The following CLDN10 variants were observed in gnomAD, a reference collection of about 807,000 sequenced individuals.
The protein encoded by CLDN10 is claudin-10.
In CLDN10, 15 loss-of-function variants were observed where a neutral mutation model predicts 22.9. The observed-to-expected ratio is 0.65, with a 90% CI of 0.44 to 1.01. CLDN10 has a LOEUF of 1.01. Ranked by LOEUF, CLDN10 falls within the 50% of genes least tolerant of loss-of-function variation. The probability of loss-of-function intolerance (pLI) is 0.00; values close to 1 mark genes in which losing one functional copy is unlikely to be tolerated. For missense variants in CLDN10, 247 were observed against 287.8 expected, an observed-to-expected ratio of 0.86 and a Z score of 1.03; for synonymous variants, 114 against 111.4, an observed-to-expected ratio of 1.02 and a Z score of -0.15.
chr13:95,455,786 A>G (rs1335240708), intron 1 of CLDN10, among the ~76,000 whole-genome samples: 1 of 152,240 alleles, frequency 6.6e-6, no homozygotes, highest in Non-Finnish European at 1.5e-5. Flanking sequence ...AGAAATGGAA[A>G]CAGAAAATCT....
At chr13:95,504,392 T>C (rs1448034466) in intron 1 of CLDN10, among the ~76,000 whole-genome samples, 1 of 152,144 alleles carries the variant, frequency 6.6e-6, no homozygotes, top group African/African-American at 2.4e-5. Context: ...TTTTATTTTA[T>C]TTTTTTGAGA....
At chr13:95,519,747 A>G (rs2043205930) in intron 1 of CLDN10, among the ~76,000 whole-genome samples, 1 of 152,250 alleles carries the variant, frequency 6.6e-6, no homozygotes, top group Admixed American at 6.5e-5. Context: ...AAGACAACAA[A>G]TAAAAGCATT....
chr13:95,521,976 T>C (rs2043228367), intron 1 of CLDN10, among the ~76,000 whole-genome samples: 1 of 147,446 alleles, frequency 6.8e-6, no homozygotes, highest in South Asian at 2.2e-4. Context: ...ATCTTGTTTC[T>C]TTCTTTAATG....
At chr13:95,571,490 G>A (rs778003104) in intron 3 of CLDN10, among the ~76,000 whole-genome samples, 8 of 152,122 alleles carry the variant, frequency 5.3e-5, no homozygotes, top group Non-Finnish European at 1.0e-4. Context: ...AAGTCCTTTG[G>A]CATCTGCCAG....
rs1378110565 is a variant in CLDN10 at position 95,438,980 on chromosome 13, A to T, written c.214+4933A>T. Among the ~76,000 whole-genome samples, 89 of 107,176 alleles carry T rather than the reference A, an allele frequency of 8.3e-4. 2 individuals carry two copies. In the South Asian group the frequency reaches 0.041, roughly 49 times the overall value. 70.3% of individuals were successfully genotyped at this position (107,176 alleles called of 152,430 possible). A position where few individuals can be genotyped will look rare whatever the true frequency, so the allele number is the denominator to read the frequency against. Reference sequence around the variant, plus strand: ...GACAGAGCAAGACTCCATCGCAAAAAAAAAAAAAAAAAAAAAAAGCGGAGG... The same window carrying T: ...GACAGAGCAAGACTCCATCGCAAAATAAAAAAAAAAAAAAAAAAGCGGAGG... On this transcript the variant is annotated intron_variant, in intron 1 of 4. Transcript: ENST00000376873.
Position 95,490,541 on chromosome 13 carries a change from G to A in CLDN10, c.214+56494G>A, listed in dbSNP as rs185479118. On this transcript the variant is annotated intron_variant, in intron 1 of 4. Transcript: ENST00000376873. The stretch of plus-strand genomic sequence containing the variant: ...TTTTTGACCCAGTGCTCATTCAGGA[G>A]CAGATTACTTAATTTCCATGTATTT... Among the ~76,000 whole-genome samples the A allele has an allele frequency of 1.1e-4, 17 of 152,292 alleles. No individual in the cohort carries two copies. In the East Asian group the frequency reaches 3.3e-3, roughly 29 times the overall value.
intron 1 of CLDN10, among the ~76,000 whole-genome samples, chr13:95,451,864 C>T (rs901724927): frequency 1.4e-4 from 21 of 152,196 alleles, no homozygotes; most frequent in African/African-American, 4.6e-4. Flanking sequence ...TCCTTGGTGC[C>T]GTTAGCAAGT....
chr13:95,443,428 T>C (rs113063939), intron 1 of CLDN10, among the ~76,000 whole-genome samples: 1,759 of 152,310 alleles, frequency 0.012, 38 homozygotes, highest in African/African-American at 0.039. Flanking sequence ...TGTGGTAAGA[T>C]GCACAGACAT....
chr13:95,522,213 T>C lies in CLDN10; in HGVS notation c.215-37919T>C, dbSNP rs1416508734. 2.6e-5 allele frequency among the ~76,000 whole-genome samples: 4 copies of C among 152,154 alleles called. No individual in the cohort carries two copies. In the East Asian group the frequency reaches 7.7e-4, roughly 29 times the overall value. On this transcript the variant is annotated intron_variant, in intron 1 of 4. Transcript: ENST00000376873. ...TTCTTTTTCTGTTTATTTGAGATCA[T>C]GCTTGGGTGATGAATTCTCATTCTT...
At chr13:95,472,863 TG>T (rs2042649351) in intron 1 of CLDN10, among the ~76,000 whole-genome samples, 1 of 150,924 alleles carries the variant, frequency 6.6e-6, no homozygotes, top group African/African-American at 2.4e-5. Flanking sequence ...CTCTCTGTCC[TG>T]GTGCAGTGGC....
chr13:95,448,802 C>T (rs1304806745), intron 1 of CLDN10, among the ~76,000 whole-genome samples: 15 of 150,774 alleles, frequency 9.9e-5, no homozygotes, highest in African/African-American at 1.2e-4. Context: ...TTCAGTGGCA[C>T]GATCTCGGCT....
In CLDN10 at chr13:95,579,044, A is replaced by G. The variant is rs1217919115; in HGVS notation, c.*1030A>G. On this transcript the variant is annotated 3_prime_UTR_variant, in exon 5 of 5. Coordinates refer to ENST00000299339, the MANE Select transcript of CLDN10 (RefSeq NM_006984.5). ...ACCTGTTTATGCCTAGTGTTCCATT[A>G]TTGGAACACTAAGCATGTGGGAGTT... is the stretch of plus-strand genomic sequence containing the variant. 1 of 152,190 alleles carries G rather than the reference A, an allele frequency of 6.6e-6. No individual in the cohort carries two copies. The highest frequency in any genetic ancestry group is 1.5e-5 in the Non-Finnish European group (1 of 68,018). The allele number at this position is 152,190 out of a possible 1,614,324, so 9.4% of individuals were successfully genotyped here. A position where few individuals can be genotyped will look rare whatever the true frequency, so the allele number is the denominator to read the frequency against.
intron 1 of CLDN10, among the ~76,000 whole-genome samples, chr13:95,529,778 C>CT (rs891919857): frequency 2.0e-5 from 3 of 151,708 alleles, no homozygotes; most frequent in South Asian, 2.1e-4. Context: ...TCCAGTTTCG[C>CT]TTTTTTTTCC....
At chr13:95,526,422 C>T (rs1022486390) in intron 1 of CLDN10, among the ~76,000 whole-genome samples, 1 of 152,064 alleles carries the variant, frequency 6.6e-6, no homozygotes, top group Non-Finnish European at 1.5e-5. Flanking sequence ...TTGTAATGAG[C>T]CATTTTACTA....
In CLDN10 at chr13:95,525,964, G is replaced by A. The variant is rs183584581; in HGVS notation, c.215-34168G>A. Among the ~76,000 whole-genome samples the A allele has an allele frequency of 2.0e-5, 3 of 152,248 alleles. No individual in the cohort carries two copies. In the East Asian group the frequency reaches 5.8e-4, roughly 29 times the overall value. On this transcript the variant is annotated intron_variant, in intron 1 of 4. Transcript: ENST00000376873. ...CTATAAATCCTCTTATTTGGATGTT[G>A]GATCTCCTGGATCGTTCTTCTATAT... is the stretch of plus-strand genomic sequence containing the variant.
intron 3 of CLDN10, among the ~76,000 whole-genome samples, chr13:95,570,440 C>T (rs1385389941): frequency 6.6e-6 from 1 of 152,154 alleles, no homozygotes; most frequent in Non-Finnish European, 1.5e-5. Context: ...CTTTGGCTAA[C>T]AAAGATTAGC....
At chr13:95,552,465 G>A (rs2043576431), upstream of CLDN10, among the ~76,000 whole-genome samples, 1 of 152,210 alleles carries the variant, frequency 6.6e-6, no homozygotes, top group Admixed American at 6.5e-5. Flanking sequence ...CCTTCTCCGC[G>A]GCCCTTTGGC....
rs569518358 is a variant in CLDN10 at position 95,451,547 on chromosome 13, C to T, written c.214+17500C>T. Among the ~76,000 whole-genome samples the T allele has an allele frequency of 6.6e-5, 10 of 152,312 alleles. No homozygotes were observed. The South Asian group carries it at 1.7e-3, about 25-fold the overall frequency. The stretch of plus-strand genomic sequence containing the variant: ...CTGGGCTCAAGCTATCCTCCTGCCT[C>T]GGCCTCCCTAGTAGCTGGGACTACA... On this transcript the variant is annotated intron_variant, in intron 1 of 4. Coordinates refer to the CLDN10 transcript ENST00000376873.
upstream of CLDN10, among the ~76,000 whole-genome samples, chr13:95,551,348 G>T (rs2043564239): frequency 6.6e-6 from 1 of 152,222 alleles, no homozygotes; most frequent in Admixed American, 6.5e-5. Flanking sequence ...GTCCTGAAGG[G>T]TGGAGCATGG....
Sources: gnomAD v4.1 joint callset for allele counts (sites outside exome capture counted in the v4.1 genomes callset) on GRCh38, gnomAD v4.1.1 for gene constraint, MANE v1.5 for transcripts, NCBI Gene and HGNC (gene_info 2026-07-23, HGNC 2026-07-21) for gene names.